Variants in RAI1 observed in about 807,000 individuals in gnomAD.
RAI1 encodes the protein retinoic acid-induced protein 1.
In RAI1, 9 loss-of-function variants were observed where a neutral mutation model predicts 123.8. The ratio of observed to expected loss-of-function variants is 0.07; its 90% confidence interval spans 0.04 to 0.13. RAI1 has a LOEUF of 0.13. Among genes scored for constraint, RAI1 ranks in the 10% least tolerant of loss-of-function variants. RAI1 has a pLI of 1.00. For missense variants in RAI1, 2,256 were observed against 2,545.8 expected (o/e 0.89, Z 2.45); for synonymous variants, 1,231 against 1,127.3 (o/e 1.09, Z -1.84).
At chr17:17,713,947 TC>T (rs1390575857) in intron 1 of RAI1, among the ~76,000 whole-genome samples, 4 of 152,072 alleles carry the variant, frequency 2.6e-5, no homozygotes, top group Non-Finnish European at 5.9e-5. Flanking sequence ...CTTCTGGAAT[TC>T]CATTCCTGCT....
chr17:17,747,594 G>A (rs2029977010), intron 2 of RAI1, among the ~76,000 whole-genome samples: 1 of 152,162 alleles, frequency 6.6e-6, no homozygotes, highest in Non-Finnish European at 1.5e-5. Context: ...GAGGTTAGGG[G>A]CTTTTTCAAA....
At chr17:17,803,965 C>T (rs538652649) in intron 4 of RAI1, 116 bp downstream of exon 4, 4 of 975,122 alleles carry the variant, frequency 4.1e-6, no homozygotes, top group African/African-American at 3.2e-5. Flanking sequence ...AGTTTCCCTC[C>T]TCTCTTGCCC....
At chr17:17,691,926 A>G (rs1025954884) in intron 1 of RAI1, among the ~76,000 whole-genome samples, 1 of 152,194 alleles carries the variant, frequency 6.6e-6, no homozygotes, top group Non-Finnish European at 1.5e-5. Flanking sequence ...AGGAAAAACA[A>G]TATTTTCATT....
chr17:17,752,525 C>T (rs968081825), intron 2 of RAI1, among the ~76,000 whole-genome samples: 1 of 152,198 alleles, frequency 6.6e-6, no homozygotes, highest in Non-Finnish European at 1.5e-5. Context: ...TCCTTGATGG[C>T]GGCCCCGAAC....
At chr17:17,767,358 C>T (rs1038281342) in intron 2 of RAI1, among the ~76,000 whole-genome samples, 4 of 151,954 alleles carry the variant, frequency 2.6e-5, no homozygotes, top group African/African-American at 9.7e-5. Context: ...AATTCCTGTT[C>T]CCATTCATTC....
chr17:17,779,219 G>A, intron 2 of RAI1: 1 of 324,256 alleles, frequency 3.1e-6, no homozygotes, highest in South Asian at 2.6e-5. Flanking sequence ...CTGGAGCAGT[G>A]GCTGGCTGGT....
intron 2 of RAI1, among the ~76,000 whole-genome samples, chr17:17,730,432 C>T (rs879863072): frequency 2.6e-5 from 4 of 152,242 alleles, no homozygotes; most frequent in Admixed American, 6.5e-5. Context: ...TCATGGGGCG[C>T]GGTAGCTCAG....
rs1339822252 is a variant in RAI1, at chr17:17,795,983, A to G, written c.3035A>G (p.Asp1012Gly). The G allele has an allele frequency of 5.6e-6, 9 of 1,600,452 alleles. No individual in the cohort carries two copies. The highest frequency in any genetic ancestry group is 7.7e-6 in the Non-Finnish European group (9 of 1,175,718). Reference sequence around the variant, plus strand: ...CACCGGGGGCTGCCCGAGGCCGAGGACTCCCCATGCAGGGCACCAGTGCTG... The same window carrying G: ...CACCGGGGGCTGCCCGAGGCCGAGGGCTCCCCATGCAGGGCACCAGTGCTG... ...RVHRGLPEAE[D>G]SPCRAPVLPK... Residue 1012 changes from aspartate (D) to glycine (G), a missense_variant, in exon 3 of 6, where the codon GAC (aspartate) becomes GGC (glycine). Transcript: ENST00000353383. This position sits in a 1 kb window ranked among gnomAD's most constrained non-coding sequence, Gnocchi z 5.9.
chr17:17,750,038 C>T (rs1449436206), intron 2 of RAI1, among the ~76,000 whole-genome samples: 2 of 152,228 alleles, frequency 1.3e-5, no homozygotes, highest in Non-Finnish European at 1.5e-5. Flanking sequence ...GGCAATGTGG[C>T]CGGGGCATGG....
Position 17,794,138 on chromosome 17 carries a change from A to G in RAI1, c.1190A>G (p.Asn397Ser). The change falls in exon 3 of 6, where the codon AAT (asparagine) becomes AGT (serine). Residue 397 changes from asparagine (N) to serine (S), a missense_variant. Around this residue, in one of 7 missense-constraint regions of RAI1, gnomAD observed 357 missense variants for 480.2 expected, o/e 0.74. Transcript: ENST00000353383. Reference sequence around the variant, plus strand: ...CACAGCCACTTCATGCCCCTGCTCAATCCCTCCCCAACGGATGCCACCAGC... The same window carrying G: ...CACAGCCACTTCATGCCCCTGCTCAGTCCCTCCCCAACGGATGCCACCAGC... ...TDHSHFMPLLNPSPTDATSSV... is the reference protein window; with the variant it reads ...TDHSHFMPLLSPSPTDATSSV... The G allele has an allele frequency of 6.2e-7, 1 of 1,613,986 alleles. No homozygotes were observed. The highest frequency in any genetic ancestry group is 8.5e-7 in the Non-Finnish European group (1 of 1,180,016).
chr17:17,730,955 C>T (rs1200766276), intron 2 of RAI1, among the ~76,000 whole-genome samples: 1 of 152,238 alleles, frequency 6.6e-6, no homozygotes, highest in Non-Finnish European at 1.5e-5. Context: ...GGGCTAGAGT[C>T]CCTGAGTGGC....
Position 17,793,317 on chromosome 17 carries a change from C to T in RAI1, c.369C>T (p.Ala123=). The T allele has an allele frequency of 6.2e-7, 1 of 1,612,440 alleles. No individual in the cohort carries two copies. Among genetic ancestry groups the T allele is most frequent in the Non-Finnish European group, 8.5e-7 (1 of 1,179,708 alleles). ...AGEESLQAWG[A]PQPPPPQPQP... is the part of the protein sequence containing the mutation. The stretch of plus-strand genomic sequence containing the variant: ...AGGAGAGCCTTCAGGCTTGGGGGGC[C>T]CCACAGCCACCACCCCCACAGCCGC... The change falls in exon 3 of 6, where the codon GCC becomes GCT. Residue 123 remains alanine, a synonymous_variant. Transcript: ENST00000353383.
chr17:17,744,434 C>T (rs749088425), intron 2 of RAI1, among the ~76,000 whole-genome samples: 9 of 152,170 alleles, frequency 5.9e-5, no homozygotes, highest in Non-Finnish European at 1.0e-4. Context: ...CAGGGGCAGC[C>T]TTGGCGTGGT....
At chr17:17,769,257 T>C (rs754190933) in intron 2 of RAI1, among the ~76,000 whole-genome samples, 2 of 152,216 alleles carry the variant, frequency 1.3e-5, no homozygotes, top group Non-Finnish European at 2.9e-5. Flanking sequence ...CCCTCAGGGC[T>C]GGAGGTGCTG....
At chr17:17,766,053 G>A in intron 2 of RAI1, 1 of 152,412 alleles carries the variant, frequency 6.6e-6, no homozygotes, top group Non-Finnish European at 1.5e-5. Context: ...AGGTGCCCAG[G>A]CCAGCCCCTG....
At chr17:17,711,553 G>A (rs935335260) in intron 1 of RAI1, among the ~76,000 whole-genome samples, 11 of 152,190 alleles carry the variant, frequency 7.2e-5, no homozygotes, top group South Asian at 2.1e-4. Flanking sequence ...AGGTGTACAC[G>A]GGATGGACAC....
chr17:17,687,329 G>C (rs897454294), intron 1 of RAI1, among the ~76,000 whole-genome samples: 2 of 152,088 alleles, frequency 1.3e-5, no homozygotes, highest in Non-Finnish European at 2.9e-5. Flanking sequence ...TTCCTCTCTG[G>C]CCTCGGTCTC....
chr17:17,705,895 G>A (rs540865048), intron 1 of RAI1, among the ~76,000 whole-genome samples: 5 of 150,618 alleles, frequency 3.3e-5, no homozygotes, highest in African/African-American at 1.2e-4. Flanking sequence ...ATGGTGGCGC[G>A]TGCCTGTAGT....
At chr17:17,737,650 G>C (rs1461581242) in intron 2 of RAI1, among the ~76,000 whole-genome samples, 1 of 152,114 alleles carries the variant, frequency 6.6e-6, no homozygotes, top group Admixed American at 6.5e-5. Flanking sequence ...CTTTCCTCCA[G>C]TCCCCCGCCC....
Sources: gnomAD v4.1 joint callset for allele counts (sites outside exome capture counted in the v4.1 genomes callset) on GRCh38, gnomAD v4.1.1 for gene constraint, gnomAD v4.1.1 regional missense constraint, Gnocchi (gnomAD v3.1) non-coding constraint, MANE v1.5 for transcripts, NCBI Gene and HGNC (gene_info 2026-07-23, HGNC 2026-07-21) for gene names.